Variants in TTC27 observed in about 807,000 individuals in gnomAD.
TTC27 encodes tetratricopeptide repeat domain 27, also known as tetratricopeptide repeat protein 27.
Under a neutral mutation model 115.9 loss-of-function variants are expected in TTC27, and 79 were observed. The ratio of observed to expected loss-of-function variants is 0.68; its 90% CI spans 0.57 to 0.82. The LOEUF is 0.82. Among genes scored for constraint, TTC27 ranks in the 40% least tolerant of loss-of-function variants. The pLI is 0.00. For missense variants in TTC27, 1,054 were observed against 993.1 expected, an observed-to-expected ratio of 1.06 and a Z score of -0.82; for synonymous variants, 401 against 356.0, an observed-to-expected ratio of 1.13 and a Z score of -1.42.
chr2:32,735,698 C>G (rs2151916185), intron 11 of TTC27, among the ~76,000 whole-genome samples: 1 of 152,278 alleles, frequency 6.6e-6, no homozygotes, highest in South Asian at 2.1e-4. Context: ...ATGTCATCAA[C>G]TTTCTTCATC....
chr2:32,746,221 A>G (rs1019642024), intron 12 of TTC27, among the ~76,000 whole-genome samples: 1 of 152,040 alleles, frequency 6.6e-6, no homozygotes, highest in Non-Finnish European at 1.5e-5. Context: ...ATGTATTTTT[A>G]TTATTTTTAA....
At chr2:32,809,985 C>T (rs1404971621) in intron 16 of TTC27, among the ~76,000 whole-genome samples, 5 of 151,998 alleles carry the variant, frequency 3.3e-5, no homozygotes, top group South Asian at 2.1e-4. Context: ...GGCATGGTGG[C>T]GCTCACCTGT....
At chr2:32,662,207 G>C (rs199890689) in intron 5 of TTC27, among the ~76,000 whole-genome samples, 1 of 152,140 alleles carries the variant, frequency 6.6e-6, no homozygotes, top group Non-Finnish European at 1.5e-5. Context: ...ATGTTCATCA[G>C]GGATATTGGC....
intron 5 of TTC27, among the ~76,000 whole-genome samples, chr2:32,651,819 A>G (rs903307197): frequency 3.3e-5 from 5 of 152,246 alleles, no homozygotes; most frequent in African/African-American, 1.2e-4. Context: ...TAAAATGACC[A>G]TCTATACATA....
chr2:32,743,904 T>C (rs1668730756), intron 12 of TTC27, among the ~76,000 whole-genome samples: 1 of 152,190 alleles, frequency 6.6e-6, no homozygotes, highest in Non-Finnish European at 1.5e-5. Flanking sequence ...ATGTGAAGGA[T>C]CTTTTATGTT....
intron 7 of TTC27, among the ~76,000 whole-genome samples, chr2:32,667,292 C>T (rs1282769415): frequency 6.6e-6 from 1 of 151,558 alleles, no homozygotes; most frequent in East Asian, 1.9e-4. Context: ...CTAGTGAATT[C>T]TCTTCTTTAG....
intron 8 of TTC27, 74 bp downstream of exon 8, chr2:32,672,458 C>T (rs1159804756): frequency 3.8e-5 from 44 of 1,171,552 alleles, no homozygotes; most frequent in Non-Finnish European, 5.2e-5. Flanking sequence ...AATCTTTATT[C>T]AAGGAGGTTC....
In TTC27 at chr2:32,678,890, T is replaced by A. The variant is rs771406207; in HGVS notation, c.1087T>A (p.Leu363Ile). The change falls in exon 9 of 20, where the codon TTA becomes ATA. Residue 363 changes from leucine to isoleucine, a missense_variant. Coordinates refer to ENST00000317907, the MANE Select transcript of TTC27 (RefSeq NM_017735.5). ...TCAAAAGAATAACCCAGTGCACACA[T>A]TAACTGAAGTGGAGCTTCTGGCATT... ...NFQKNNPVHT[L>I]TEVELLAFTS... is the part of the protein sequence containing the mutation. 2 of 1,613,652 alleles carry A rather than the reference T, an allele frequency of 1.2e-6. No homozygotes were observed. The highest frequency in any genetic ancestry group is 4.5e-5 in the East Asian group (2 of 44,832).
chr2:32,637,190 TTTTA>T, intron 3 of TTC27, among the ~76,000 whole-genome samples: 1 of 152,296 alleles, frequency 6.6e-6, no homozygotes, highest in South Asian at 2.1e-4. Flanking sequence ...CCTGTATAAT[TTTTA>T]TTTGTTGCTA....
At chr2:32,698,648 T>A (rs1667078940) in intron 9 of TTC27, among the ~76,000 whole-genome samples, 1 of 151,482 alleles carries the variant, frequency 6.6e-6, no homozygotes, top group South Asian at 2.1e-4. Flanking sequence ...CCTGGCTAAT[T>A]TTTTTGTATT....
intron 6 of TTC27, 66 bp from the exon 7 acceptor site, chr2:32,666,569 A>T: frequency 6.7e-7 from 1 of 1,483,644 alleles, no homozygotes; most frequent in Non-Finnish European, 9.1e-7. Flanking sequence ...TGAAAATATT[A>T]CTCTTCATGA....
chr2:32,776,556 G>T (rs1670002369), intron 13 of TTC27, among the ~76,000 whole-genome samples: 1 of 152,106 alleles, frequency 6.6e-6, no homozygotes, highest in Non-Finnish European at 1.5e-5. Flanking sequence ...ACTCATAATA[G>T]CTGCATTTCT....
chr2:32,669,084 A>G (rs1427480467), intron 7 of TTC27, among the ~76,000 whole-genome samples: 1 of 152,106 alleles, frequency 6.6e-6, no homozygotes, highest in Non-Finnish European at 1.5e-5. Flanking sequence ...ATCTCAAAAA[A>G]AAAAATAAAT....
intron 16 of TTC27, among the ~76,000 whole-genome samples, chr2:32,810,816 G>C (rs1444923259): frequency 6.6e-6 from 1 of 152,078 alleles, no homozygotes; most frequent in Non-Finnish European, 1.5e-5. Flanking sequence ...GCTTTTGAAG[G>C]GACATCAGAG....
chr2:32,811,538 C>G (rs890847407), intron 17 of TTC27, among the ~76,000 whole-genome samples: 2 of 152,170 alleles, frequency 1.3e-5, no homozygotes, highest in African/African-American at 4.8e-5. Flanking sequence ...ATACCCCTTT[C>G]TGCAGGCACC....
At chr2:32,776,951 G>T (rs1338620824) in intron 13 of TTC27, among the ~76,000 whole-genome samples, 2 of 151,984 alleles carry the variant, frequency 1.3e-5, no homozygotes, top group Non-Finnish European at 2.9e-5. Flanking sequence ...AGAGGCTATT[G>T]AATTTTAAGG....
At chr2:32,714,750 T>C (rs116174462) in intron 10 of TTC27, among the ~76,000 whole-genome samples, 9,379 of 152,214 alleles carry the variant, frequency 0.062, 361 homozygotes, top group East Asian at 0.13. Flanking sequence ...CTCTTTAGCA[T>C]GTTATTTTGT....
chr2:32,785,970 T>C (rs1670334414), intron 15 of TTC27, among the ~76,000 whole-genome samples: 1 of 152,198 alleles, frequency 6.6e-6, no homozygotes, highest in East Asian at 1.9e-4. Context: ...TTATTTCATT[T>C]CTCCCTGTTT....
chr2:32,763,094 AC>A (rs1669503992), intron 13 of TTC27, among the ~76,000 whole-genome samples: 1 of 152,228 alleles, frequency 6.6e-6, no homozygotes, highest in South Asian at 2.1e-4. Flanking sequence ...CAAAGAAATG[AC>A]AATTGCTCAA....
Sources: gnomAD v4.1 joint callset for allele counts (sites outside exome capture counted in the v4.1 genomes callset) on GRCh38, gnomAD v4.1.1 for gene constraint, MANE v1.5 for transcripts, NCBI Gene and HGNC (gene_info 2026-07-23, HGNC 2026-07-21) for gene names.